CBLB: variants seen among roughly 807,000 people sequenced by gnomAD.
The protein encoded by CBLB is E3 ubiquitin-protein ligase CBL-B.
In CBLB, 31 loss-of-function variants were observed where a neutral mutation model predicts 104.9. The observed-to-expected ratio is 0.30, with a 90% CI of 0.22 to 0.40. The LOEUF is 0.40. CBLB is among the 10% of genes least tolerant of loss of function. CBLB has a pLI of 1.00. For synonymous variants in CBLB, 440 were observed against 422.6 expected, an observed-to-expected ratio of 1.04 and a Z score of -0.51; for missense variants, 1,062 against 1,214.6, an observed-to-expected ratio of 0.87 and a Z score of 1.87.
intron 9 of CBLB, among the ~76,000 whole-genome samples, chr3:105,724,822 T>TG (rs1407113888): frequency 6.6e-6 from 1 of 152,118 alleles, no homozygotes; most frequent in African/African-American, 2.4e-5. Flanking sequence ...TCTCTAAATA[T>TG]TAATTCATTT....
Position 105,659,346 on chromosome 3 carries a change from A to T in CBLB, c.2690-117T>A, listed in dbSNP as rs931524314. 4 of 1,153,574 alleles carry T rather than the reference A, an allele frequency of 3.5e-6. No homozygotes were observed. In the Admixed American group the frequency reaches 6.5e-5, roughly 19 times the overall value. 71.5% of individuals were successfully genotyped at this position (1,153,574 alleles called of 1,614,324 possible). On this transcript the variant is annotated intron_variant, in intron 18 of 18. Coordinates refer to ENST00000394030, the MANE Select transcript of CBLB (RefSeq NM_170662.5). ...AATATTATTTCTTGTTTTCTTTACA[A>T]ATAAACTTTTTTTCAATTTTTCCAT...
chr3:105,845,789 A>T (rs2090170952), intron 3 of CBLB, among the ~76,000 whole-genome samples: 1 of 152,126 alleles, frequency 6.6e-6, no homozygotes, highest in African/African-American at 2.4e-5. Flanking sequence ...GTGTTAAAGA[A>T]ATGAGCCCCT....
intron 8 of CBLB, among the ~76,000 whole-genome samples, chr3:105,735,621 A>G (rs756306627): frequency 6.6e-6 from 1 of 152,194 alleles, no homozygotes; most frequent in African/African-American, 2.4e-5. Context: ...GGATCACCAC[A>G]TAACTTTTAA....
chr3:105,843,909 C>T (rs1035428888), intron 3 of CBLB, among the ~76,000 whole-genome samples: 2 of 152,148 alleles, frequency 1.3e-5, no homozygotes. Context: ...CTGTTAGGGA[C>T]TGAATGGTGT....
chr3:105,747,617 G>A (rs925742626), intron 5 of CBLB, among the ~76,000 whole-genome samples: 2 of 152,132 alleles, frequency 1.3e-5, no homozygotes, highest in Non-Finnish European at 2.9e-5. Context: ...TCTTCCTAAT[G>A]CATGACTAAA....
chr3:105,848,609 C>T (rs1375309317), intron 3 of CBLB, among the ~76,000 whole-genome samples: 1 of 152,006 alleles, frequency 6.6e-6, no homozygotes, highest in East Asian at 1.9e-4. Flanking sequence ...TTATTGTTGA[C>T]ACAACAGAGG....
intron 9 of CBLB, among the ~76,000 whole-genome samples, chr3:105,729,707 A>G (rs1055294450): frequency 1.3e-5 from 2 of 152,136 alleles, no homozygotes; most frequent in South Asian, 2.1e-4. Context: ...CATATTTATC[A>G]TCAATTAGGT....
chr3:105,866,080 G>C (rs1379158772), intron 2 of CBLB, among the ~76,000 whole-genome samples: 1 of 152,126 alleles, frequency 6.6e-6, no homozygotes, highest in East Asian at 1.9e-4. Context: ...TCTGTCTGGA[G>C]CACTTTAATA....
At chr3:105,844,514 T>A (rs757857950) in intron 3 of CBLB, among the ~76,000 whole-genome samples, 56 of 152,220 alleles carry the variant, frequency 3.7e-4, no homozygotes, top group Non-Finnish European at 7.6e-4. Flanking sequence ...TTTTAATCTA[T>A]AAAGGGCACT....
chr3:105,811,166 T>C (rs994873246), intron 3 of CBLB, among the ~76,000 whole-genome samples: 6 of 152,166 alleles, frequency 3.9e-5, no homozygotes, highest in African/African-American at 1.4e-4. Flanking sequence ...AAAACAAAAG[T>C]AGGATTTTAA....
chr3:105,721,053 G>T (rs1310044212), intron 9 of CBLB, among the ~76,000 whole-genome samples: 7 of 152,100 alleles, frequency 4.6e-5, no homozygotes, highest in Admixed American at 3.3e-4. Context: ...CTGTTTTCTT[G>T]CCCTACAGAC....
intron 17 of CBLB, among the ~76,000 whole-genome samples, chr3:105,675,127 A>G (rs560709657): frequency 6.6e-6 from 1 of 152,298 alleles, no homozygotes; most frequent in South Asian, 2.1e-4. Context: ...CTCTCTTCCT[A>G]AGACACCTAT....
rs149293415 is a variant in CBLB, at chr3:105,702,312, C to A, written c.1741G>T (p.Val581Leu). The change falls in exon 12 of 19, where the codon GTG becomes TTG. Residue 581 changes from valine (V) to leucine (L), a missense_variant. This residue lies in a region of CBLB where 605 missense variants were observed against 582.6 expected (regional missense o/e 1.04). Coordinates refer to ENST00000394030, the MANE Select transcript of CBLB (RefSeq NM_170662.5). ...GGCATTGGCGGGTCTCTGGAAGGCACGCTTTCCACATGATGGATGTGTCTA... is the reference window on the plus strand; with the variant it reads ...GGCATTGGCGGGTCTCTGGAAGGCAAGCTTTCCACATGATGGATGTGTCTA... ...LSRHIHHVES[V>L]PSRDPPMPLE... 2 of 1,613,704 alleles carry A rather than the reference C, an allele frequency of 1.2e-6. No individual in the cohort carries two copies. Among genetic ancestry groups the A allele is most frequent in the Admixed American group, 1.7e-5 (1 of 59,982 alleles).
intron 3 of CBLB, among the ~76,000 whole-genome samples, chr3:105,820,165 C>CACAT (rs2085634411): frequency 6.6e-6 from 1 of 152,168 alleles, no homozygotes. Context: ...CTAGATCCCT[C>CACAT]ACATGCACAG....
intron 9 of CBLB, among the ~76,000 whole-genome samples, chr3:105,730,560 A>C (rs1209031877): frequency 6.6e-5 from 10 of 152,116 alleles, no homozygotes; most frequent in Non-Finnish European, 8.8e-5. Context: ...AGGTAAAGTA[A>C]TCCACATTCT....
chr3:105,726,366 T>C (rs988054259), intron 9 of CBLB, among the ~76,000 whole-genome samples: 9 of 152,112 alleles, frequency 5.9e-5, no homozygotes, highest in Non-Finnish European at 1.0e-4. Context: ...TCAAACAATA[T>C]ACAGGAAGAA....
chr3:105,780,669 T>TTG (rs1560209635), intron 3 of CBLB, among the ~76,000 whole-genome samples: 1 of 131,770 alleles, frequency 7.6e-6, no homozygotes, highest in Non-Finnish European at 1.6e-5. Flanking sequence ...TGTTTTTTTT[T>TTG]TTTTTTTTTT....
chr3:105,768,164 C>G (rs895270860), intron 4 of CBLB, among the ~76,000 whole-genome samples: 2 of 152,074 alleles, frequency 1.3e-5, no homozygotes, highest in Admixed American at 1.3e-4. Flanking sequence ...TAGACAAATA[C>G]TTGTAATAAA....
chr3:105,685,376 G>A lies in CBLB; in HGVS notation c.2145C>T (p.His715=), dbSNP rs767442215. The stretch of plus-strand genomic sequence containing the variant: ...ATGGTTGTGAATTCAGGGAAACAGG[G>A]TGGGATGAAGGAATCTTGTATTCAT... ...DDDEYKIPSS[H]PVSLNSQPSH... The change falls in exon 14 of 19, where the codon CAC becomes CAT. Residue 715 remains histidine, a synonymous_variant. Coordinates refer to ENST00000394030, the MANE Select transcript of CBLB (RefSeq NM_170662.5). 1 of 1,612,988 alleles carries A rather than the reference G, an allele frequency of 6.2e-7. No homozygotes were observed.
Sources: allele counts gnomAD v4.1 joint callset (sites outside exome capture counted in the v4.1 genomes callset), GRCh38; gene constraint gnomAD v4.1.1; regional missense constraint gnomAD v4.1.1; transcripts MANE v1.5; gene names NCBI Gene and HGNC (gene_info 2026-07-23, HGNC 2026-07-21).